ELOVL2: variants seen among roughly 807,000 people sequenced by gnomAD.
The protein encoded by ELOVL2 is very long chain fatty acid elongase 2.
A neutral mutation model predicts 37.7 loss-of-function variants in ELOVL2; 38 were observed. That is an observed-to-expected ratio of 1.01 (90% CI 0.78 to 1.32). The LOEUF (loss-of-function observed/expected upper bound fraction) is 1.32, where lower values mean the gene tolerates loss of function less well. Ranked by LOEUF, ELOVL2 falls within the 40% of genes most tolerant of loss-of-function variation. ELOVL2 has a pLI of 0.00. For missense variants in ELOVL2, 352 were observed against 363.6 expected (o/e 0.97, Z 0.26); for synonymous variants, 115 against 122.3 (o/e 0.94, Z 0.40).
At chr6:10,987,269 A>G (rs571981020) in intron 7 of ELOVL2, among the ~76,000 whole-genome samples, 2 of 152,078 alleles carry the variant, frequency 1.3e-5, no homozygotes, top group Middle Eastern at 3.2e-3. Context: ...CTAGCAGTCT[A>G]TCAATTTTGT....
intron 7 of ELOVL2, among the ~76,000 whole-genome samples, chr6:10,986,560 G>T (rs569378955): frequency 4.6e-5 from 7 of 151,854 alleles, no homozygotes; most frequent in African/African-American, 1.2e-4. Flanking sequence ...TAGCATGAAG[G>T]GTTGTTGAAT....
rs184624486 is a variant in ELOVL2 at position 11,017,039 on chromosome 6, T to A, written c.4-6230A>T. Among the ~76,000 whole-genome samples, 5 of 152,260 alleles carry A rather than the reference T, an allele frequency of 3.3e-5. No homozygotes were observed. The East Asian group carries it at 9.7e-4, about 29-fold the overall frequency. ...GCAATGGGTAGAACAATCTTTTATGTATGGGAACTCTAAATTGTTATTATG... is the reference window on the plus strand; with the variant it reads ...GCAATGGGTAGAACAATCTTTTATGAATGGGAACTCTAAATTGTTATTATG... On this transcript the variant is annotated intron_variant, in intron 1 of 7. Transcript: ENST00000354666.
Position 11,043,467 on chromosome 6 carries a change from A to AACAC in ELOVL2, c.3+757_3+760dup, listed in dbSNP as rs1554114355. On this transcript the variant is annotated intron_variant, in intron 1 of 7. Transcript: ENST00000354666. ...TCAGGCAGTTCATCGGACACGGGTGAACACACACACACACACACACAGCTT... is the reference window on the plus strand; with the variant it reads ...TCAGGCAGTTCATCGGACACGGGTGAACACACACACACACACACACACACAGCTT... 1.6e-4 allele frequency: 17 copies of AACAC among 107,272 alleles called. 1 individual carries two copies. Among genetic ancestry groups the AACAC allele is most frequent in the Middle Eastern group, 3.9e-3 (1 of 258 alleles). 6.6% of individuals were successfully genotyped at this position (107,272 alleles called of 1,614,324 possible). A position where few individuals can be genotyped will look rare whatever the true frequency, so the allele number is the denominator to read the frequency against.
chr6:11,032,813 C>T (rs1213131611), intron 1 of ELOVL2, among the ~76,000 whole-genome samples: 1 of 152,124 alleles, frequency 6.6e-6, no homozygotes, highest in African/African-American at 2.4e-5. Flanking sequence ...CAAAGATAAA[C>T]AAGTAACTAA....
At chr6:11,043,393 G>T (rs1783133072) in intron 1 of ELOVL2, 1 of 116,402 alleles carries the variant, frequency 8.6e-6, no homozygotes, top group Non-Finnish European at 1.8e-5. Context: ...GCAGTTCATC[G>T]GACACGGGTG....
Position 10,990,286 on chromosome 6 carries a change from A to G in ELOVL2, c.630+32T>C, listed in dbSNP as rs779673214. On this transcript the variant is annotated intron_variant, in intron 6 of 7. Transcript: ENST00000354666. ...TTTCCTTTCCCCATCCATAAGCCAC[A>G]TGGAGAAAAGCTAAAAGAAGGGACA... 4.4e-5 allele frequency: 71 copies of G among 1,604,944 alleles called. No individual in the cohort carries two copies. The Middle Eastern group carries it at 9.9e-4, about 22-fold the overall frequency.
rs185058800 is a variant in ELOVL2, at chr6:11,010,602, A to T, written c.67+144T>A. 5.7e-6 allele frequency: 4 copies of T among 699,490 alleles called. No homozygotes were observed. The East Asian group carries it at 1.1e-4, about 19-fold the overall frequency. 43.3% of individuals were successfully genotyped at this position (699,490 alleles called of 1,614,324 possible). On this transcript the variant is annotated intron_variant, in intron 2 of 7. Coordinates refer to ENST00000354666, the MANE Select transcript of ELOVL2 (RefSeq NM_017770.4). Reference sequence around the variant, plus strand: ...GGGATCTTCTGGACATTCTGGAAGGATATCAAAGTTGAGGAAGTTAAGTTT... The same window carrying T: ...GGGATCTTCTGGACATTCTGGAAGGTTATCAAAGTTGAGGAAGTTAAGTTT...
At chr6:11,019,085 GA>G (rs1048922964) in intron 1 of ELOVL2, among the ~76,000 whole-genome samples, 3 of 152,146 alleles carry the variant, frequency 2.0e-5, no homozygotes, top group African/African-American at 7.2e-5. Flanking sequence ...GTTATCATAA[GA>G]TTGCATTCAG....
At chr6:11,016,611 G>A (rs1278432426) in intron 1 of ELOVL2, among the ~76,000 whole-genome samples, 1 of 152,178 alleles carries the variant, frequency 6.6e-6, no homozygotes, top group Non-Finnish European at 1.5e-5. Flanking sequence ...AGAACTGAGA[G>A]AAGAGGAGGT....
chr6:11,037,006 GAGAGAGAGAC>G (rs1387179538), intron 1 of ELOVL2, among the ~76,000 whole-genome samples: 1 of 151,122 alleles, frequency 6.6e-6, no homozygotes, highest in Admixed American at 6.6e-5. Context: ...GGCAGAGAGG[GAGAGAGAGAC>G]AGAGAGGGAG....
intron 3 of ELOVL2, 34 bp from the exon 4 acceptor site, chr6:11,000,198 C>T (rs1016615433): frequency 7.6e-6 from 12 of 1,588,802 alleles, no homozygotes; most frequent in Non-Finnish European, 9.5e-6. Flanking sequence ...GAAAAACAAA[C>T]ATCAGCACAA....
At chr6:11,011,729 T>C (rs957226674) in intron 1 of ELOVL2, among the ~76,000 whole-genome samples, 1 of 152,220 alleles carries the variant, frequency 6.6e-6, no homozygotes, top group African/African-American at 2.4e-5. Flanking sequence ...ACCCGATTAA[T>C]TATTGTCACT....
intron 1 of ELOVL2, among the ~76,000 whole-genome samples, chr6:11,040,696 T>C (rs753962022): frequency 5.9e-5 from 9 of 152,094 alleles, no homozygotes; most frequent in East Asian, 1.9e-4. Flanking sequence ...AAAATAGATA[T>C]GGGAGAAAAA....
At chr6:11,025,936 C>CT (rs1336665534) in intron 1 of ELOVL2, among the ~76,000 whole-genome samples, 1 of 152,150 alleles carries the variant, frequency 6.6e-6, no homozygotes, top group African/African-American at 2.4e-5. Context: ...GATTTATAGT[C>CT]TTTTTGCTTC....
chr6:11,024,571 TCA>T (rs756447578), intron 1 of ELOVL2, among the ~76,000 whole-genome samples: 1 of 152,204 alleles, frequency 6.6e-6, no homozygotes, highest in Non-Finnish European at 1.5e-5. Flanking sequence ...CTTCTAGCTC[TCA>T]GTTTTAAAGA....
chr6:11,023,734 T>A (rs1181076009), intron 1 of ELOVL2, among the ~76,000 whole-genome samples: 1 of 152,230 alleles, frequency 6.6e-6, no homozygotes, highest in Non-Finnish European at 1.5e-5. Context: ...GACGGTGAGC[T>A]GCCCTTGACT....
intron 1 of ELOVL2, among the ~76,000 whole-genome samples, chr6:11,025,740 T>C (rs923332377): frequency 2.0e-5 from 3 of 152,242 alleles, no homozygotes; most frequent in African/African-American, 7.2e-5. Flanking sequence ...TTGATTTCTA[T>C]AAAATAAAAC....
intron 2 of ELOVL2, among the ~76,000 whole-genome samples, chr6:11,005,998 C>T (rs760810770): frequency 3.9e-5 from 6 of 152,160 alleles, no homozygotes; most frequent in Non-Finnish European, 7.4e-5. Context: ...CATCTGCCTC[C>T]CAGCCCCATG....
intron 1 of ELOVL2, among the ~76,000 whole-genome samples, chr6:11,016,423 A>G (rs1223640569): frequency 1.3e-5 from 2 of 152,216 alleles, no homozygotes. Flanking sequence ...ATAGCATCCA[A>G]AAAGACTTTG....
Sources: allele counts gnomAD v4.1 joint callset (sites outside exome capture counted in the v4.1 genomes callset), GRCh38; gene constraint gnomAD v4.1.1; transcripts MANE v1.5; gene names NCBI Gene and HGNC (gene_info 2026-07-23, HGNC 2026-07-21).